Variants in KALRN observed in about 807,000 individuals in gnomAD.
KALRN encodes the protein kalirin.
Under a neutral mutation model 353.7 loss-of-function variants are expected in KALRN, and 70 were observed. The observed-to-expected ratio is 0.20, with a 90% CI of 0.16 to 0.24. KALRN has a LOEUF of 0.24. Among genes scored for constraint, KALRN ranks in the 10% least tolerant of loss-of-function variants. KALRN has a pLI of 1.00. For synonymous variants in KALRN, 1,391 were observed against 1,434.8 expected (o/e 0.97, Z 0.69); for missense variants, 2,791 against 3,756.7 (o/e 0.74, Z 6.72).
chr3:124,602,361 G>A (rs1213347646), intron 34 of KALRN, among the ~76,000 whole-genome samples: 1 of 152,216 alleles, frequency 6.6e-6, no homozygotes, highest in African/African-American at 2.4e-5. Context: ...TACCCTGGGA[G>A]TGGAGACTCA....
At chr3:124,073,788 T>C (rs938366640) in intron 1 of KALRN, among the ~76,000 whole-genome samples, 11 of 152,154 alleles carry the variant, frequency 7.2e-5, no homozygotes, top group Non-Finnish European at 1.3e-4. Context: ...AACTCATAAT[T>C]AGGAGGGCCT....
intron 33 of KALRN, among the ~76,000 whole-genome samples, chr3:124,552,938 G>T (rs1012202785): frequency 6.6e-6 from 1 of 152,070 alleles, no homozygotes; most frequent in Non-Finnish European, 1.5e-5. Context: ...GCTAATTTTT[G>T]TATTTTTGGT....
chr3:124,531,144 A>C (rs2068009792), intron 33 of KALRN, among the ~76,000 whole-genome samples: 1 of 152,196 alleles, frequency 6.6e-6, no homozygotes, highest in South Asian at 2.1e-4. Context: ...CAAACTGGAA[A>C]TGACTCAACA....
intron 20 of KALRN, 65 bp downstream of exon 20, chr3:124,446,341 G>A: frequency 8.2e-7 from 1 of 1,212,902 alleles, no homozygotes; most frequent in Non-Finnish European, 1.2e-6. Flanking sequence ...CATCACCAAG[G>A]CTTAGTCCAG....
At chr3:124,599,593 C>T (rs1561385991) in intron 34 of KALRN, among the ~76,000 whole-genome samples, 1 of 152,200 alleles carries the variant, frequency 6.6e-6, no homozygotes, top group Non-Finnish European at 1.5e-5. Context: ...GCTGAGTCTG[C>T]ATGACCCTCT....
intron 10 of KALRN, among the ~76,000 whole-genome samples, chr3:124,354,774 G>A (rs146927086): frequency 1.2e-4 from 18 of 152,254 alleles, no homozygotes; most frequent in African/African-American, 4.3e-4. Context: ...ACTAGAAAAT[G>A]GCAATAGAAG....
chr3:124,399,740 C>A (rs1203802179), intron 13 of KALRN, among the ~76,000 whole-genome samples: 1 of 152,102 alleles, frequency 6.6e-6, no homozygotes, highest in Non-Finnish European at 1.5e-5. Context: ...CTCATAAACT[C>A]CTCAGTTTAT....
intron 4 of KALRN, among the ~76,000 whole-genome samples, chr3:124,267,191 A>G (rs9813731): frequency 0.05 from 7,678 of 152,322 alleles, 240 homozygotes; most frequent in East Asian, 0.086. Flanking sequence ...TACTTATACA[A>G]CAGATATATA....
At chr3:124,120,193 T>C (rs1365263412) in intron 1 of KALRN, among the ~76,000 whole-genome samples, 1 of 152,212 alleles carries the variant, frequency 6.6e-6, no homozygotes, top group African/African-American at 2.4e-5. Context: ...GTTTGGGCTG[T>C]AGCCGTTCCC....
At chr3:124,280,415 C>G (rs770944909) in intron 5 of KALRN, among the ~76,000 whole-genome samples, 1 of 152,216 alleles carries the variant, frequency 6.6e-6, no homozygotes, top group Non-Finnish European at 1.5e-5. Flanking sequence ...GGGCAGCTCT[C>G]CCATAACTTG....
chr3:124,192,001 A>T (rs2074969879), intron 1 of KALRN, among the ~76,000 whole-genome samples: 1 of 152,236 alleles, frequency 6.6e-6, no homozygotes, highest in South Asian at 2.1e-4. Context: ...GGGCCTGGGA[A>T]CCTGTGTGTT....
At chr3:124,396,651 AGGCTT>A (rs2090195015) in intron 12 of KALRN, among the ~76,000 whole-genome samples, 1 of 152,266 alleles carries the variant, frequency 6.6e-6, no homozygotes, top group African/African-American at 2.4e-5. Context: ...AACTTTTCAC[AGGCTT>A]GGCTGGCTTC....
chr3:124,679,196 C>A (rs1258940823), intron 50 of KALRN, among the ~76,000 whole-genome samples: 1 of 152,210 alleles, frequency 6.6e-6, no homozygotes, highest in Non-Finnish European at 1.5e-5. Context: ...AGTTTAAATT[C>A]GACAACACTC....
chr3:124,623,349 A>G lies in KALRN; in HGVS notation c.5183-9071A>G, dbSNP rs190688297. Among the ~76,000 whole-genome samples the G allele has an allele frequency of 7.0e-5, 10 of 142,566 alleles. No homozygotes were observed. The East Asian group carries it at 1.0e-3, about 15-fold the overall frequency. 93.5% of individuals were successfully genotyped at this position (142,566 alleles called of 152,430 possible). A position where few individuals can be genotyped will look rare whatever the true frequency, so the allele number is the denominator to read the frequency against. ...CTAATTGTATTAGTCAGAGTTCTCT[A>G]GAGGGACAACAGAACTAATAGGAGA... On this transcript the variant is annotated intron_variant, in intron 34 of 59. Transcript: ENST00000682506.
chr3:124,606,173 G>A (rs1265437008), intron 34 of KALRN, among the ~76,000 whole-genome samples: 3 of 152,166 alleles, frequency 2.0e-5, no homozygotes, highest in East Asian at 3.8e-4. Flanking sequence ...AAAACACAGA[G>A]AGAAATAAAA....
intron 33 of KALRN, among the ~76,000 whole-genome samples, chr3:124,532,678 A>T (rs1463572652): frequency 6.6e-6 from 1 of 152,100 alleles, no homozygotes; most frequent in Non-Finnish European, 1.5e-5. Context: ...AGGGTCGCAC[A>T]CATCTGTAGT....
intron 34 of KALRN, among the ~76,000 whole-genome samples, chr3:124,610,420 G>A (rs1333269758): frequency 6.6e-6 from 1 of 152,174 alleles, no homozygotes; most frequent in African/African-American, 2.4e-5. Context: ...AAGGTAAGCA[G>A]GTTTAGGACT....
chr3:124,076,936 G>T (rs569425368), intron 1 of KALRN, among the ~76,000 whole-genome samples: 2 of 152,362 alleles, frequency 1.3e-5, no homozygotes, highest in East Asian at 3.9e-4. Context: ...AAGACATTGT[G>T]TTGGTCAGAG....
chr3:124,447,747 C>T (rs911718086), intron 21 of KALRN, among the ~76,000 whole-genome samples: 1 of 152,188 alleles, frequency 6.6e-6, no homozygotes, highest in African/African-American at 2.4e-5. Flanking sequence ...ACAAATTAGG[C>T]CCTTAGCCTC....
Sources: gnomAD v4.1 joint callset for allele counts (sites outside exome capture counted in the v4.1 genomes callset) on GRCh38, gnomAD v4.1.1 for gene constraint, MANE v1.5 for transcripts, NCBI Gene and HGNC (gene_info 2026-07-23, HGNC 2026-07-21) for gene names.